GNB4: variants seen among roughly 807,000 people sequenced by gnomAD.
GNB4 encodes G protein subunit beta 4, also known as guanine nucleotide-binding protein subunit beta-4.
Under a neutral mutation model 45.2 loss-of-function variants are expected in GNB4, and 28 were observed. That is an observed-to-expected ratio of 0.62 (90% confidence interval 0.46 to 0.85). The LOEUF (loss-of-function observed/expected upper bound fraction) is 0.85, where lower values mean the gene tolerates loss of function less well. Among genes scored for constraint, GNB4 ranks in the 40% least tolerant of loss-of-function variants. GNB4 has a pLI of 0.00. For synonymous variants in GNB4, 132 were observed against 143.7 expected (o/e 0.92, Z 0.58); for missense variants, 321 against 425.4 (o/e 0.75, Z 2.16).
the GNB4 span, chr3:179,464,223 C>A: frequency 2.5e-6 from 1 of 408,030 alleles, no homozygotes; most frequent in African/African-American, 2.0e-5. Flanking sequence ...TTTTAGGAGG[C>A]TGAGGAGGGA....
At chr3:179,498,601 AT>A in the GNB4 span, among the ~76,000 whole-genome samples, 3 of 151,926 alleles carry the variant, frequency 2.0e-5, no homozygotes, top group Non-Finnish European at 2.9e-5. Flanking sequence ...TGCCCAGCTA[AT>A]TTTTGTATTT....
chr3:179,495,842 A>C, the GNB4 span, among the ~76,000 whole-genome samples: 3 of 152,292 alleles, frequency 2.0e-5, no homozygotes, highest in South Asian at 4.1e-4. Context: ...TTCAACCAAG[A>C]ATACTTATCT....
chr3:179,468,784 C>T, the GNB4 span, among the ~76,000 whole-genome samples: 3 of 152,118 alleles, frequency 2.0e-5, no homozygotes, highest in African/African-American at 4.8e-5. Flanking sequence ...AGCTGTCTCT[C>T]GTGGGAAAAA....
intron 8 of GNB4, among the ~76,000 whole-genome samples, chr3:179,412,486 A>C (rs1396352177): frequency 2.6e-5 from 4 of 152,052 alleles, no homozygotes. Flanking sequence ...TCTAAATAAT[A>C]ATAATAATAA....
At chr3:179,480,534 G>A in the GNB4 span, among the ~76,000 whole-genome samples, 6 of 149,500 alleles carry the variant, frequency 4.0e-5, 1 homozygote, top group South Asian at 1.2e-3. Context: ...GAGGATCCTG[G>A]AAATAAGGAT....
At chr3:179,492,099 C>T in the GNB4 span, among the ~76,000 whole-genome samples, 11 of 152,162 alleles carry the variant, frequency 7.2e-5, no homozygotes, top group Admixed American at 2.0e-4. Flanking sequence ...CTCTCATCTC[C>T]CAGAGTTTTG....
the GNB4 span, among the ~76,000 whole-genome samples, chr3:179,511,239 C>T: frequency 6.6e-6 from 1 of 152,222 alleles, no homozygotes; most frequent in Non-Finnish European, 1.5e-5. Context: ...TCCCCATTGC[C>T]ATTTTCCACA....
the GNB4 span, among the ~76,000 whole-genome samples, chr3:179,489,437 G>C: frequency 1.3e-5 from 2 of 151,932 alleles, no homozygotes; most frequent in Admixed American, 6.6e-5. Context: ...GGGAGTTCAA[G>C]ACCAGCCTGG....
At chr3:179,429,741 G>C (rs1405002478) in intron 1 of GNB4, among the ~76,000 whole-genome samples, 2 of 152,156 alleles carry the variant, frequency 1.3e-5, no homozygotes, top group African/African-American at 4.8e-5. Context: ...AACATTGATT[G>C]AGAAAGTCAA....
the GNB4 span, among the ~76,000 whole-genome samples, chr3:179,458,720 G>T: frequency 3.9e-5 from 6 of 152,004 alleles, no homozygotes; most frequent in Non-Finnish European, 7.4e-5. Context: ...ATAGTTGCTA[G>T]GCTGTGTTTT....
intron 1 of GNB4, among the ~76,000 whole-genome samples, chr3:179,428,396 C>T (rs1429224399): frequency 6.6e-6 from 1 of 152,164 alleles, no homozygotes; most frequent in Admixed American, 6.5e-5. Flanking sequence ...GGACAGATTA[C>T]AGCCGGTCTG....
In GNB4 at chr3:179,413,452, T is replaced by C. The variant is rs199615251; in HGVS notation, c.659A>G (p.Gln220Arg). ...LWDIRDGMCR[Q>R]SFTGHVSDIN... is the part of the protein sequence containing the mutation. The stretch of plus-strand genomic sequence containing the variant: ...ATCTGAGACATGTCCCGTGAAAGAC[T>C]GTCTACACATTCCATCTCGAATATC... The change falls in exon 8 of 10, where the codon CAG becomes CGG. Residue 220 changes from glutamine (Q) to arginine (R), a missense_variant. Transcript: ENST00000232564. 5.0e-6 allele frequency: 8 copies of C among 1,614,134 alleles called. No individual in the cohort carries two copies. The East Asian group carries it at 1.8e-4, about 36-fold the overall frequency.
chr3:179,418,999 C>T (rs1032725300), intron 4 of GNB4, among the ~76,000 whole-genome samples: 1 of 152,224 alleles, frequency 6.6e-6, no homozygotes, highest in African/African-American at 2.4e-5. Context: ...CATGTAATTT[C>T]CATTATTTGC....
At chr3:179,468,242 TCC>T in the GNB4 span, among the ~76,000 whole-genome samples, 1 of 151,336 alleles carries the variant, frequency 6.6e-6, no homozygotes, top group African/African-American at 2.4e-5. Flanking sequence ...ATGCCTGTAA[TCC>T]CAGCACTTTG....
At chr3:179,505,614 G>T in the GNB4 span, among the ~76,000 whole-genome samples, 1 of 152,150 alleles carries the variant, frequency 6.6e-6, no homozygotes, top group Non-Finnish European at 1.5e-5. Flanking sequence ...CAATGAGTCG[G>T]TGTCTCTCCA....
rs955677185 is a variant in GNB4, at chr3:179,396,959, G to T, written c.*4254C>A. 1.3e-5 allele frequency: 2 copies of T among 152,126 alleles called. No individual in the cohort carries two copies. 9.4% of individuals were successfully genotyped at this position (152,126 alleles called of 1,614,324 possible). A position where few individuals can be genotyped will look rare whatever the true frequency, so the allele number is the denominator to read the frequency against. ...TATAAATTCATTGTGCAACCCATAAGAAAGATGGTCCAACCTGTGGGTATT... is the reference window on the plus strand; with the variant it reads ...TATAAATTCATTGTGCAACCCATAATAAAGATGGTCCAACCTGTGGGTATT... On this transcript the variant is annotated 3_prime_UTR_variant, in exon 10 of 10. Coordinates refer to ENST00000232564, the MANE Select transcript of GNB4 (RefSeq NM_021629.4).
chr3:179,503,944 T>C, the GNB4 span, among the ~76,000 whole-genome samples: 8 of 152,246 alleles, frequency 5.3e-5, no homozygotes, highest in South Asian at 8.3e-4. Context: ...AGATGGATAA[T>C]AGATAAAGCT....
the GNB4 span, among the ~76,000 whole-genome samples, chr3:179,491,061 T>C: frequency 4.6e-5 from 7 of 152,192 alleles, no homozygotes; most frequent in East Asian, 1.3e-3. Context: ...CTGACAGTTT[T>C]TAAAGCAGCT....
intron 1 of GNB4, among the ~76,000 whole-genome samples, chr3:179,433,510 T>TG (rs1026280017): frequency 3.1e-4 from 46 of 149,704 alleles, no homozygotes; most frequent in African/African-American, 1.1e-3. Context: ...GGAGGCTGAG[T>TG]GGGGGGATCG....
Sources: gnomAD v4.1 joint callset for allele counts (sites outside exome capture counted in the v4.1 genomes callset) on GRCh38, gnomAD v4.1.1 for gene constraint, MANE v1.5 for transcripts, NCBI Gene and HGNC (gene_info 2026-07-23, HGNC 2026-07-21) for gene names.